The following SESTD1 variants were observed in gnomAD, a reference collection of about 807,000 sequenced individuals.
SESTD1 encodes SEC14 domain and spectrin repeat-containing protein 1.
A neutral mutation model predicts 101.7 loss-of-function variants in SESTD1; 43 were observed. The observed-to-expected ratio is 0.42, with a 90% CI of 0.33 to 0.55. The LOEUF is 0.55. Among genes scored for constraint, SESTD1 ranks in the 20% least tolerant of loss-of-function variants. The probability of loss-of-function intolerance (pLI) is 0.07; values close to 1 mark genes in which losing one functional copy is unlikely to be tolerated. For missense variants in SESTD1, 647 were observed against 815.1 expected (o/e 0.79, Z 2.51); for synonymous variants, 283 against 286.8 (o/e 0.99, Z 0.13).
rs146711618 is a variant in SESTD1, at chr2:179,236,824, C to A, written c.-26+27675G>T. Among the ~76,000 whole-genome samples, 83 of 148,394 alleles carry A rather than the reference C, an allele frequency of 5.6e-4. 4 individuals are homozygous for A. In the East Asian group the frequency reaches 0.016, roughly 29 times the overall value. ...AACACTTTGTGGTTCACAGGCTTTA[C>A]AATCATGAGTTGGGACCAAAATAAA... On this transcript the variant is annotated intron_variant, in intron 1 of 17. Coordinates refer to ENST00000428443, the MANE Select transcript of SESTD1 (RefSeq NM_178123.5).
intron 1 of SESTD1, among the ~76,000 whole-genome samples, chr2:179,248,217 T>C (rs2047262138): frequency 6.6e-6 from 1 of 151,866 alleles, no homozygotes; most frequent in Non-Finnish European, 1.5e-5. Context: ...TCACAACCCA[T>C]CTAATATAAA....
At chr2:179,229,808 C>G (rs2046955441) in intron 1 of SESTD1, among the ~76,000 whole-genome samples, 1 of 144,306 alleles carries the variant, frequency 6.9e-6, no homozygotes, top group South Asian at 2.3e-4. Context: ...CACACACACA[C>G]ACACACACAA....
At chr2:179,177,117 T>A (rs1392090017) in intron 3 of SESTD1, among the ~76,000 whole-genome samples, 1 of 152,190 alleles carries the variant, frequency 6.6e-6, no homozygotes, top group Non-Finnish European at 1.5e-5. Flanking sequence ...CTCTCACTTT[T>A]GCATTGTCAG....
intron 1 of SESTD1, among the ~76,000 whole-genome samples, chr2:179,230,780 A>G (rs1325940662): frequency 6.6e-6 from 1 of 151,832 alleles, no homozygotes; most frequent in South Asian, 2.1e-4. Flanking sequence ...CTATAATCCA[A>G]AAAAAAATTT....
chr2:179,121,914 C>T lies in SESTD1; in HGVS notation c.1298G>A (p.Gly433Asp). Residue 433 changes from glycine to aspartate, a missense_variant, in exon 13 of 18, where the codon GGT becomes GAT. This residue lies in a region of SESTD1 where 476 missense variants were observed against 562.6 expected (regional missense o/e 0.85). Coordinates refer to ENST00000428443, the MANE Select transcript of SESTD1 (RefSeq NM_178123.5). ...KLKSVDVGLQ[G>D]LREKGQGLLD... ...GAGACCTTGACCTTTTTCACGCAAA[C>T]CTTGCAATCCCACATCTAAAACAAA... The T allele has an allele frequency of 6.2e-7, 1 of 1,600,270 alleles. No individual in the cohort carries two copies. The highest frequency in any genetic ancestry group is 8.5e-7 in the Non-Finnish European group (1 of 1,175,738).
At chr2:179,256,364 T>G (rs1250157537) in intron 1 of SESTD1, among the ~76,000 whole-genome samples, 2 of 152,190 alleles carry the variant, frequency 1.3e-5, no homozygotes, top group Admixed American at 1.3e-4. Flanking sequence ...AATAGGAGTT[T>G]GGAAGAAGTT....
rs2046612928 is a variant in SESTD1, at chr2:179,208,236, C to T, written c.-25-16370G>A. Among the ~76,000 whole-genome samples the T allele has an allele frequency of 1.5e-5, 2 of 134,476 alleles. 1 individual carries two copies. The highest frequency in any genetic ancestry group is 1.4e-4 in the Admixed American group (2 of 13,892). The allele number at this position is 134,476 out of a possible 152,430, so 88.2% of individuals were successfully genotyped here. On this transcript the variant is annotated intron_variant, in intron 1 of 17. Coordinates refer to ENST00000428443, the MANE Select transcript of SESTD1 (RefSeq NM_178123.5). Reference sequence around the variant, plus strand: ...GAATTTGAGATTATGTTAAAACAACCAAACATAAAAATAATTGGTGTTCCT... The same window carrying T: ...GAATTTGAGATTATGTTAAAACAACTAAACATAAAAATAATTGGTGTTCCT...
At chr2:179,138,249 G>A (rs1488068837) in intron 9 of SESTD1, among the ~76,000 whole-genome samples, 1 of 152,068 alleles carries the variant, frequency 6.6e-6, no homozygotes, top group Non-Finnish European at 1.5e-5. Context: ...TTAAAAATGT[G>A]TTTGCCAATA....
chr2:179,193,315 T>C (rs941851118), intron 1 of SESTD1, among the ~76,000 whole-genome samples: 1 of 152,218 alleles, frequency 6.6e-6, no homozygotes, highest in African/African-American at 2.4e-5. Flanking sequence ...AGATGATATA[T>C]TCAAGTTCCC....
chr2:179,139,982 T>C (rs558852365), intron 9 of SESTD1, among the ~76,000 whole-genome samples: 7 of 152,300 alleles, frequency 4.6e-5, no homozygotes, highest in South Asian at 2.1e-4. Flanking sequence ...ATGGTAATCC[T>C]AGCCATCCTT....
chr2:179,236,455 C>T (rs2047067698), intron 1 of SESTD1, among the ~76,000 whole-genome samples: 1 of 151,782 alleles, frequency 6.6e-6, no homozygotes, highest in South Asian at 2.1e-4. Flanking sequence ...TACAATCGTG[C>T]CACTGCACTC....
chr2:179,109,830 G>A lies in SESTD1; in HGVS notation c.*69C>T. The A allele has an allele frequency of 6.4e-7, 1 of 1,566,120 alleles. No individual in the cohort carries two copies. The highest frequency in any genetic ancestry group is 8.7e-7 in the Non-Finnish European group (1 of 1,153,060). Reference sequence around the variant, plus strand: ...TGTGAAATGCATCTTAAGGTGTGGTGGCTAATGCTGTAGTATGTTGACAAC... The same window carrying A: ...TGTGAAATGCATCTTAAGGTGTGGTAGCTAATGCTGTAGTATGTTGACAAC... On this transcript the variant is annotated 3_prime_UTR_variant, in exon 18 of 18. Coordinates refer to ENST00000428443, the MANE Select transcript of SESTD1 (RefSeq NM_178123.5).
At chr2:179,208,058 C>A (rs2046610870) in intron 1 of SESTD1, among the ~76,000 whole-genome samples, 1 of 134,050 alleles carries the variant, frequency 7.5e-6, no homozygotes, top group Non-Finnish European at 1.6e-5. Flanking sequence ...AAATAAAAGA[C>A]CCACTTAGAG....
At position 179,132,326 on chromosome 2, in the gene SESTD1, T is replaced by C. The variant is rs1016304121; in HGVS notation, c.950A>G (p.Glu317Gly). 9 of 1,557,000 alleles carry C rather than the reference T, an allele frequency of 5.8e-6. No homozygotes were observed. The highest frequency in any genetic ancestry group is 7.7e-6 in the Non-Finnish European group (9 of 1,163,370). The stretch of plus-strand genomic sequence containing the variant: ...CACACTGTGCTGGCTCTCAATCTCT[T>C]CGTGTTTCTGCTGTAGGGCCTGGGA... ...RASQALQQKHEEIESQHSEWF... is the reference protein window; with the variant it reads ...RASQALQQKHGEIESQHSEWF... Residue 317 changes from glutamate to glycine, a missense_variant, in exon 10 of 18, where the codon GAA becomes GGA. This residue lies in a region of SESTD1 where 476 missense variants were observed against 562.6 expected (regional missense o/e 0.85). Coordinates refer to ENST00000428443, the MANE Select transcript of SESTD1 (RefSeq NM_178123.5).
chr2:179,218,126 T>A (rs2105523806), intron 1 of SESTD1, among the ~76,000 whole-genome samples: 1 of 152,346 alleles, frequency 6.6e-6, no homozygotes, highest in South Asian at 2.1e-4. Context: ...ACTTAAAGTA[T>A]AATTTAAAAA....
At chr2:179,128,967 C>CA (rs2044947036) in intron 10 of SESTD1, among the ~76,000 whole-genome samples, 1 of 152,086 alleles carries the variant, frequency 6.6e-6, no homozygotes, top group Non-Finnish European at 1.5e-5. Context: ...TCAGGATTGA[C>CA]AATGCAATCA....
Position 179,163,805 on chromosome 2 carries a change from G to T in SESTD1, c.369+8315C>A, listed in dbSNP as rs574284863. Among the ~76,000 whole-genome samples, 11 of 152,152 alleles carry T rather than the reference G, an allele frequency of 7.2e-5. 1 individual carries two copies. In the South Asian group the frequency reaches 1.7e-3, roughly 23 times the overall value. ...ATGGTTCAACAAGTTTGAAGAGAAA[G>T]GTATTTACCATATGGTCTTTAATAA... On this transcript the variant is annotated intron_variant, in intron 5 of 17. Transcript: ENST00000428443.
chr2:179,179,093 G>A (rs914700275), intron 3 of SESTD1, among the ~76,000 whole-genome samples: 18 of 152,036 alleles, frequency 1.2e-4, no homozygotes, highest in African/African-American at 4.3e-4. Context: ...CAGACCAAGT[G>A]GTCTTTCAGG....
chr2:179,195,166 C>G (rs1275735598), intron 1 of SESTD1, among the ~76,000 whole-genome samples: 1 of 152,158 alleles, frequency 6.6e-6, no homozygotes, highest in Non-Finnish European at 1.5e-5. Context: ...ACTCTGTGTC[C>G]CCACCCAAAT....
Sources: gnomAD v4.1 joint callset for allele counts (sites outside exome capture counted in the v4.1 genomes callset) on GRCh38, gnomAD v4.1.1 for gene constraint, gnomAD v4.1.1 regional missense constraint, MANE v1.5 for transcripts, NCBI Gene and HGNC (gene_info 2026-07-23, HGNC 2026-07-21) for gene names.